The following CDH8 variants were observed in gnomAD, a reference collection of about 807,000 sequenced individuals.
CDH8 encodes cadherin 8, also known as cadherin-8.
A neutral mutation model predicts 68.1 loss-of-function variants in CDH8; 17 were observed. The observed-to-expected ratio is 0.25, with a 90% CI of 0.17 to 0.37. The LOEUF is 0.37. Among genes scored for constraint, CDH8 ranks in the 10% least tolerant of loss-of-function variants. The probability of loss-of-function intolerance (pLI) is 1.00; values close to 1 mark genes in which losing one functional copy is unlikely to be tolerated. For synonymous variants in CDH8, 372 were observed against 365.1 expected (o/e 1.02, Z -0.21); for missense variants, 763 against 999.3 (o/e 0.76, Z 3.19).
chr16:61,811,301 G>A (rs1193637307), intron 7 of CDH8, among the ~76,000 whole-genome samples: 3 of 152,108 alleles, frequency 2.0e-5, no homozygotes, highest in Admixed American at 6.6e-5. Context: ...TGAATTCGCA[G>A]GTATAGTGAG....
At chr16:61,806,535 A>G (rs9708767) in intron 7 of CDH8, among the ~76,000 whole-genome samples, 54 of 128,198 alleles carry the variant, frequency 4.2e-4, no homozygotes, top group African/African-American at 1.5e-3. Flanking sequence ...TGAACAGGCA[A>G]CCTACAAAAT....
chr16:61,921,428 A>T (rs559540590), intron 2 of CDH8, among the ~76,000 whole-genome samples: 1 of 152,300 alleles, frequency 6.6e-6, no homozygotes, highest in South Asian at 2.1e-4. Flanking sequence ...CAAAATAAAT[A>T]CAACTAGCTT....
At chr16:61,880,141 G>A (rs1041875565) in intron 3 of CDH8, among the ~76,000 whole-genome samples, 3 of 152,122 alleles carry the variant, frequency 2.0e-5, no homozygotes, top group African/African-American at 7.2e-5. Flanking sequence ...GGCCAGGCTG[G>A]TCTTGAACTC....
intron 4 of CDH8, among the ~76,000 whole-genome samples, chr16:61,838,127 T>A (rs754661338): frequency 5.9e-5 from 9 of 152,108 alleles, no homozygotes; most frequent in Non-Finnish European, 1.3e-4. Flanking sequence ...TTATTCTTTA[T>A]ATTAAAATTA....
In CDH8 at chr16:61,992,579, C is replaced by G. The variant is rs944555884; in HGVS notation, c.252+28573G>C. Reference sequence around the variant, plus strand: ...CACATTGTGCACATGTACCCTAAAACTTGAAGTATAATAATAATAAAAGAA... The same window carrying G: ...CACATTGTGCACATGTACCCTAAAAGTTGAAGTATAATAATAATAAAAGAA... On this transcript the variant is annotated intron_variant, in intron 2 of 11. Coordinates refer to ENST00000577390, the MANE Select transcript of CDH8 (RefSeq NM_001796.5). 3.3e-5 allele frequency among the ~76,000 whole-genome samples: 5 copies of G among 151,876 alleles called. 1 individual carries two copies. The South Asian group carries it at 6.3e-4, about 19-fold the overall frequency.
chr16:61,864,323 T>C (rs999925313), intron 3 of CDH8, among the ~76,000 whole-genome samples: 3 of 151,668 alleles, frequency 2.0e-5, no homozygotes, highest in African/African-American at 7.3e-5. Context: ...GGTTGGTTGG[T>C]TGGTTGGTTG....
At chr16:61,907,316 G>A (rs1476578595) in intron 2 of CDH8, among the ~76,000 whole-genome samples, 2 of 152,070 alleles carry the variant, frequency 1.3e-5, no homozygotes, top group East Asian at 3.9e-4. Flanking sequence ...TGAAAATCAG[G>A]TAGCTCTGAC....
intron 8 of CDH8, among the ~76,000 whole-genome samples, chr16:61,740,825 A>T (rs1170735805): frequency 2.0e-5 from 3 of 152,054 alleles, no homozygotes; most frequent in Non-Finnish European, 4.4e-5. Flanking sequence ...GTATTATGCT[A>T]TTTTGAATTT....
chr16:61,857,100 C>A lies in CDH8; in HGVS notation c.667+19G>T, dbSNP rs112143746. 5.2e-4 allele frequency: 840 copies of A among 1,612,566 alleles called. No individual in the cohort carries two copies. Among genetic ancestry groups the A allele is most frequent in the Admixed American group, 7.2e-4 (43 of 59,906 alleles). On this transcript the variant is annotated intron_variant, in intron 4 of 11. Transcript: ENST00000577390. ...AAGCAAAAACATGGCAAATATAATTCGAAATTTAGGCCACAAACCTGTTTC... is the reference window on the plus strand; with the variant it reads ...AAGCAAAAACATGGCAAATATAATTAGAAATTTAGGCCACAAACCTGTTTC...
intron 8 of CDH8, among the ~76,000 whole-genome samples, chr16:61,730,532 C>T (rs372662971): frequency 1.3e-5 from 2 of 151,348 alleles, no homozygotes; most frequent in Admixed American, 1.3e-4. Flanking sequence ...GTTTATAGTT[C>T]GGTGAGAAAC....
At chr16:61,712,695 G>A (rs1964653442) in intron 10 of CDH8, among the ~76,000 whole-genome samples, 1 of 151,380 alleles carries the variant, frequency 6.6e-6, no homozygotes, top group South Asian at 2.1e-4. Flanking sequence ...AGACAGAAAG[G>A]GTTTTGTCTC....
intron 8 of CDH8, among the ~76,000 whole-genome samples, chr16:61,779,621 C>T (rs1960995247): frequency 6.6e-6 from 1 of 152,040 alleles, no homozygotes; most frequent in African/African-American, 2.4e-5. Context: ...CAATGGTCTG[C>T]TTTGAAAAAC....
At chr16:61,881,116 G>A (rs1202864325) in intron 3 of CDH8, among the ~76,000 whole-genome samples, 1 of 152,148 alleles carries the variant, frequency 6.6e-6, no homozygotes, top group African/African-American at 2.4e-5. Flanking sequence ...TGCAGCCCAT[G>A]AGAGGCTGAA....
At chr16:61,746,588 C>CAT (rs1960029714) in intron 8 of CDH8, among the ~76,000 whole-genome samples, 1 of 148,800 alleles carries the variant, frequency 6.7e-6, no homozygotes. Flanking sequence ...CACACACACA[C>CAT]ACACACATTA....
rs1205886618 is a variant in CDH8 at position 61,800,246 on chromosome 16, G to A, written c.1278-10764C>T. 3.9e-5 allele frequency among the ~76,000 whole-genome samples: 6 copies of A among 152,256 alleles called. No individual in the cohort carries two copies. The South Asian group carries it at 1.0e-3, about 26-fold the overall frequency. On this transcript the variant is annotated intron_variant, in intron 7 of 11. Coordinates refer to ENST00000577390, the MANE Select transcript of CDH8 (RefSeq NM_001796.5). The stretch of plus-strand genomic sequence containing the variant: ...TCTGCCAGATGTAATTCATTCTGGG[G>A]ACAAAAATATTTTTTACCAAAAATG...
At position 61,656,416 on chromosome 16, in the gene CDH8, A is replaced by G. The variant is rs554229122; in HGVS notation, c.1655-695T>C. 3.9e-5 allele frequency among the ~76,000 whole-genome samples: 6 copies of G among 152,352 alleles called. No homozygotes were observed. The South Asian group carries it at 8.3e-4, about 21-fold the overall frequency. ...AGCAAATTTGATTGAATAAAATGTC[A>G]TCATATTTGAAACACATGTTTGAGA... is the stretch of plus-strand genomic sequence containing the variant. On this transcript the variant is annotated intron_variant, in intron 10 of 11. Transcript: ENST00000577390.
chr16:61,650,706 T>TGTGTGTGTGTGAGAGAGAGAGA lies in CDH8; in HGVS notation c.*2901_*2902insTCTCTCTCTCTCACACACACAC, dbSNP rs745949180. The TGTGTGTGTGTGAGAGAGAGAGA allele has an allele frequency of 8.6e-6, 1 of 116,594 alleles. No individual in the cohort carries two copies. The highest frequency in any genetic ancestry group is 3.4e-5 in the African/African-American group (1 of 29,792). The allele number at this position is 116,594 out of a possible 1,614,324, so 7.2% of individuals were successfully genotyped here. On this transcript the variant is annotated 3_prime_UTR_variant, in exon 12 of 12. Transcript: ENST00000577390. ...GTGTGTGTGTGTGTGTGTGTGTGTG[T>TGTGTGTGTGTGAGAGAGAGAGA]GAGAGAGAGAGAGAGAGAGAGAGAG...
At chr16:61,852,420 A>G (rs145928136) in intron 4 of CDH8, among the ~76,000 whole-genome samples, 1 of 152,198 alleles carries the variant, frequency 6.6e-6, no homozygotes, top group Non-Finnish European at 1.5e-5. Flanking sequence ...TATATTAATA[A>G]TCATTTCTTC....
chr16:61,991,253 A>T lies in CDH8; in HGVS notation c.252+29899T>A, dbSNP rs140798974. Among the ~76,000 whole-genome samples, 1,226 of 152,302 alleles carry T rather than the reference A, an allele frequency of 8.0e-3. 16 individuals carry two copies. Among genetic ancestry groups the T allele is most frequent in the Non-Finnish European group, 0.01 (703 of 68,032 alleles). ...AGGGGCGGAAGGGAAGGAAACTCACATCTATTAAGGTACTACCATCTGCCA... is the reference window on the plus strand; with the variant it reads ...AGGGGCGGAAGGGAAGGAAACTCACTTCTATTAAGGTACTACCATCTGCCA... On this transcript the variant is annotated intron_variant, in intron 2 of 11. Coordinates refer to ENST00000577390, the MANE Select transcript of CDH8 (RefSeq NM_001796.5).
Sources: allele counts gnomAD v4.1 joint callset (sites outside exome capture counted in the v4.1 genomes callset), GRCh38; gene constraint gnomAD v4.1.1; transcripts MANE v1.5; gene names NCBI Gene and HGNC (gene_info 2026-07-23, HGNC 2026-07-21).